Variants in PCDHGB7 observed in about 807,000 individuals in gnomAD.
The protein encoded by PCDHGB7 is protocadherin gamma subfamily B, 7.
A neutral mutation model predicts 61.4 loss-of-function variants in PCDHGB7; 37 were observed. That is an observed-to-expected ratio of 0.60 (90% CI 0.46 to 0.79). PCDHGB7 has a LOEUF of 0.79. PCDHGB7 is among the 30% of genes least tolerant of loss of function. The probability of loss-of-function intolerance (pLI) is 0.00; values close to 1 mark genes in which losing one functional copy is unlikely to be tolerated. For synonymous variants in PCDHGB7, 464 were observed against 503.5 expected (o/e 0.92, Z 1.05); for missense variants, 1,166 against 1,202.5 (o/e 0.97, Z 0.45).
rs564439931 is a variant in PCDHGB7 at position 141,490,480 on chromosome 5, C to T, written c.2416-4327C>T. On this transcript the variant is annotated intron_variant, in intron 1 of 3. Coordinates refer to ENST00000398594, the MANE Select transcript of PCDHGB7 (RefSeq NM_018927.4). The surrounding 1 kb of genome is among the most constrained non-coding windows in gnomAD (Gnocchi z 5.4). ...GCTGCTAACCAGCCAGCCTTTGGAC[C>T]GGGAGGCCACATCCCACTATATCAT... The T allele has an allele frequency of 3.5e-5, 56 of 1,614,194 alleles. No individual in the cohort carries two copies. Among genetic ancestry groups the T allele is most frequent in the Admixed American group, 1.5e-4 (9 of 60,022 alleles).
chr5:141,427,220 T>G (rs1487350481), intron 1 of PCDHGB7: 1 of 456,710 alleles, frequency 2.2e-6, no homozygotes, highest in East Asian at 6.9e-5. Flanking sequence ...TTCGTAGCAG[T>G]TATACCATGA....
rs2099710219 is a variant in PCDHGB7, at chr5:141,491,289, C to A, written c.2416-3518C>A. On this transcript the variant is annotated intron_variant, in intron 1 of 3. Transcript: ENST00000398594. The surrounding 1 kb of genome is among the most constrained non-coding windows in gnomAD (Gnocchi z 6.9). The stretch of plus-strand genomic sequence containing the variant: ...CCAAATCCAGTGACTTCCTCATACA[C>A]CCTCCTGAGCGTTCAGACCTTACCC... 1 of 1,614,112 alleles carries A rather than the reference C, an allele frequency of 6.2e-7. No homozygotes were observed. Among genetic ancestry groups the A allele is most frequent in the Non-Finnish European group, 8.5e-7 (1 of 1,179,942 alleles).
chr5:141,458,578 TG>T, intron 1 of PCDHGB7, among the ~76,000 whole-genome samples: 1 of 152,138 alleles, frequency 6.6e-6, no homozygotes. Context: ...TTTGTTTGTT[TG>T]TTTGTTTTGG....
At chr5:141,422,142 G>T in intron 1 of PCDHGB7, 1 of 1,583,694 alleles carries the variant, frequency 6.3e-7, no homozygotes, top group Non-Finnish European at 8.5e-7. Flanking sequence ...TTCAAGTACG[G>T]GGGTCTCTGG....
In PCDHGB7 at chr5:141,487,259, T is replaced by A. The variant is rs2099641960; in HGVS notation, c.2416-7548T>A. 1.9e-6 allele frequency: 3 copies of A among 1,614,014 alleles called. No individual in the cohort carries two copies. The highest frequency in any genetic ancestry group is 1.3e-5 in the African/African-American group (1 of 74,926). ...TCGTCTAACCCTCTACTTGGCTGTGTCCCTAGTGGCAATTTGCTTTGTCTC... is the reference window on the plus strand; with the variant it reads ...TCGTCTAACCCTCTACTTGGCTGTGACCCTAGTGGCAATTTGCTTTGTCTC... On this transcript the variant is annotated intron_variant, in intron 1 of 3. Coordinates refer to ENST00000398594, the MANE Select transcript of PCDHGB7 (RefSeq NM_018927.4). The surrounding 1 kb of genome is among the most constrained non-coding windows in gnomAD (Gnocchi z 5.0).
chr5:141,429,488 T>TA (rs748742046), intron 1 of PCDHGB7, among the ~76,000 whole-genome samples: 13 of 152,096 alleles, frequency 8.5e-5, no homozygotes, highest in Non-Finnish European at 1.6e-4. Flanking sequence ...TAGCTGAGAC[T>TA]ACAGTTGCCT....
At chr5:141,446,128 G>T (rs1242643475) in intron 1 of PCDHGB7, among the ~76,000 whole-genome samples, 1 of 152,188 alleles carries the variant, frequency 6.6e-6, no homozygotes, top group Admixed American at 6.5e-5. Context: ...GGTTCAATAA[G>T]ACTTAATAAT....
Position 141,511,400 on chromosome 5 carries a change from T to C in PCDHGB7, c.*227T>C. The C allele has an allele frequency of 2.0e-6, 2 of 982,250 alleles. No individual in the cohort carries two copies. Among genetic ancestry groups the C allele is most frequent in the Non-Finnish European group, 2.9e-6 (2 of 688,054 alleles). The allele number at this position is 982,250 out of a possible 1,614,324, so 60.8% of individuals were successfully genotyped here. On this transcript the variant is annotated 3_prime_UTR_variant, in exon 4 of 4. Coordinates refer to ENST00000398594, the MANE Select transcript of PCDHGB7 (RefSeq NM_018927.4). ...AGTTCCGCTGGGAACCCCCATCCAA[T>C]CAACTGCTGTACCCATGGGGGTAGT...
chr5:141,499,150 T>C (rs1424635509), intron 2 of PCDHGB7, among the ~76,000 whole-genome samples: 5 of 152,180 alleles, frequency 3.3e-5, no homozygotes, highest in Non-Finnish European at 1.5e-5. Context: ...CTGATCCCAA[T>C]AGCTGTTGTC....
At position 141,431,871 on chromosome 5, in the gene PCDHGB7, T is replaced by C; in HGVS notation, c.2415+11597T>C. The C allele has an allele frequency of 1.9e-6, 3 of 1,614,234 alleles. No homozygotes were observed. The highest frequency in any genetic ancestry group is 2.5e-6 in the Non-Finnish European group (3 of 1,180,032). The stretch of plus-strand genomic sequence containing the variant: ...GGGACATTAATTGCCCTTTTAAATG[T>C]AAATGACCAAGATTCTGAGGAAAAC... On this transcript the variant is annotated intron_variant, in intron 1 of 3. Coordinates refer to ENST00000398594, the MANE Select transcript of PCDHGB7 (RefSeq NM_018927.4). The surrounding 1 kb of genome is among the most constrained non-coding windows in gnomAD (Gnocchi z 4.8).
At chr5:141,479,953 CAGTT>C (rs1198160373) in intron 1 of PCDHGB7, among the ~76,000 whole-genome samples, 1 of 152,182 alleles carries the variant, frequency 6.6e-6, no homozygotes, top group African/African-American at 2.4e-5. Flanking sequence ...TTGGATTTGG[CAGTT>C]AGTCAAATGA....
chr5:141,472,770 G>C (rs953423129), intron 1 of PCDHGB7, among the ~76,000 whole-genome samples: 5 of 152,046 alleles, frequency 3.3e-5, no homozygotes, highest in Admixed American at 6.6e-5. Flanking sequence ...CAGATCACCT[G>C]AGGTTGGGAG....
Position 141,476,162 on chromosome 5 carries a change from G to A in PCDHGB7, c.2416-18645G>A. 6.2e-7 allele frequency: 1 copy of A among 1,613,038 alleles called. No homozygotes were observed. Among genetic ancestry groups the A allele is most frequent in the South Asian group, 1.1e-5 (1 of 91,040 alleles). Reference sequence around the variant, plus strand: ...GAGCGGACTGGTAAGCACCGGGAGGGTAGTGGGAGTTTTGCTTCTGCTTGG... The same window carrying A: ...GAGCGGACTGGTAAGCACCGGGAGGATAGTGGGAGTTTTGCTTCTGCTTGG... On this transcript the variant is annotated intron_variant, in intron 1 of 3. Coordinates refer to ENST00000398594, the MANE Select transcript of PCDHGB7 (RefSeq NM_018927.4). The surrounding 1 kb of genome is among the most constrained non-coding windows in gnomAD (Gnocchi z 7.6).
chr5:141,426,676 A>T (rs1209949988), intron 1 of PCDHGB7: 4 of 431,700 alleles, frequency 9.3e-6, no homozygotes, highest in Non-Finnish European at 1.9e-5. Context: ...AACCCACCTC[A>T]TTTTCCCCAA....
rs2099748179 is a variant in PCDHGB7 at position 141,493,421 on chromosome 5, T to G, written c.2416-1386T>G. Among the ~76,000 whole-genome samples the G allele has an allele frequency of 6.6e-6, 1 of 152,182 alleles. No individual in the cohort carries two copies. Among genetic ancestry groups the G allele is most frequent in the South Asian group, 2.1e-4 (1 of 4,830 alleles). On this transcript the variant is annotated intron_variant, in intron 1 of 3. Coordinates refer to ENST00000398594, the MANE Select transcript of PCDHGB7 (RefSeq NM_018927.4). The surrounding 1 kb of genome is among the most constrained non-coding windows in gnomAD (Gnocchi z 4.3). Reference sequence around the variant, plus strand: ...GGAGTTGCCTCTGCTGGGATTTTGCTTCTGCTGGGATGGGGCAAGGGTGGG... The same window carrying G: ...GGAGTTGCCTCTGCTGGGATTTTGCGTCTGCTGGGATGGGGCAAGGGTGGG...
At position 141,432,595 on chromosome 5, in the gene PCDHGB7, C is replaced by G; in HGVS notation, c.2415+12321C>G. 6.2e-7 allele frequency: 1 copy of G among 1,613,756 alleles called. No individual in the cohort carries two copies. Among genetic ancestry groups the G allele is most frequent in the Admixed American group, 1.7e-5 (1 of 60,018 alleles). ...TGTCCTACCGTCTGCTCAAGGCCAG[C>G]GAGCCGGGACTCTTCTCGGTGGGTC... On this transcript the variant is annotated intron_variant, in intron 1 of 3. Transcript: ENST00000398594. This position sits in a 1 kb window ranked among gnomAD's most constrained non-coding sequence, Gnocchi z 6.0.
At chr5:141,438,875 A>G (rs2098071820) in intron 1 of PCDHGB7, among the ~76,000 whole-genome samples, 1 of 151,738 alleles carries the variant, frequency 6.6e-6, no homozygotes. Flanking sequence ...CAAGTTGGCC[A>G]GGCTGCTCTT....
At chr5:141,478,576 G>A (rs543160289) in intron 1 of PCDHGB7, 1 of 1,585,480 alleles carries the variant, frequency 6.3e-7, no homozygotes, top group Non-Finnish European at 8.6e-7. Flanking sequence ...GCTTGACCCT[G>A]TTAGTGCTTT....
intron 1 of PCDHGB7, chr5:141,426,599 A>G (rs1171205143): frequency 2.7e-6 from 1 of 377,348 alleles, no homozygotes; most frequent in Non-Finnish European, 5.4e-6. Flanking sequence ...TCATACCCTT[A>G]GAGATTGTAG....
Sources: allele counts gnomAD v4.1 joint callset (sites outside exome capture counted in the v4.1 genomes callset), GRCh38; gene constraint gnomAD v4.1.1; non-coding constraint Gnocchi (gnomAD v3.1); transcripts MANE v1.5; gene names NCBI Gene and HGNC (gene_info 2026-07-23, HGNC 2026-07-21).